GLIS1: variants seen among roughly 807,000 people sequenced by gnomAD.
The protein encoded by GLIS1 is zinc finger protein GLIS1.
A neutral mutation model predicts 63.8 loss-of-function variants in GLIS1; 24 were observed. The ratio of observed to expected loss-of-function variants is 0.38; its 90% CI spans 0.27 to 0.53. The LOEUF (loss-of-function observed/expected upper bound fraction) is 0.53. Ranked by LOEUF, GLIS1 falls within the 20% of genes least tolerant of loss-of-function variation. The pLI is 0.85. For missense variants in GLIS1, 1,036 were observed against 1,074.1 expected (o/e 0.96, Z 0.50); for synonymous variants, 450 against 482.5 (o/e 0.93, Z 0.88).
chr1:53,521,765 C>T (rs1644411685), intron 6 of GLIS1, among the ~76,000 whole-genome samples: 1 of 152,236 alleles, frequency 6.6e-6, no homozygotes, highest in South Asian at 2.1e-4. Flanking sequence ...CCTTGGCTGT[C>T]CCCAGACAGT....
chr1:53,580,027 G>A (rs926727529), intron 4 of GLIS1, among the ~76,000 whole-genome samples: 10 of 152,200 alleles, frequency 6.6e-5, no homozygotes, highest in African/African-American at 1.7e-4. Context: ...TGCAGCCACC[G>A]TCCTGATGAA....
chr1:53,711,749 A>T (rs1646649289), intron 2 of GLIS1, among the ~76,000 whole-genome samples: 1 of 152,240 alleles, frequency 6.6e-6, no homozygotes, highest in South Asian at 2.1e-4. Context: ...AGTAGCAGTC[A>T]TTGTTATCAG....
chr1:53,610,680 T>G (rs1276602792), intron 2 of GLIS1, among the ~76,000 whole-genome samples: 1 of 152,188 alleles, frequency 6.6e-6, no homozygotes, highest in African/African-American at 2.4e-5. Context: ...CTGCTTGAGG[T>G]TCACAGGAAT....
chr1:53,696,502 T>A (rs962887328), intron 2 of GLIS1, among the ~76,000 whole-genome samples: 1 of 152,206 alleles, frequency 6.6e-6, no homozygotes, highest in African/African-American at 2.4e-5. Context: ...CACTTGCCCT[T>A]TCTCCAAAGA....
intron 4 of GLIS1, among the ~76,000 whole-genome samples, chr1:53,583,679 G>C (rs1227473883): frequency 6.6e-6 from 1 of 152,206 alleles, no homozygotes; most frequent in East Asian, 1.9e-4. Flanking sequence ...CAAGGCAACA[G>C]AATCTCAGTG....
At chr1:53,696,422 C>T (rs1263924256) in intron 2 of GLIS1, among the ~76,000 whole-genome samples, 3 of 152,182 alleles carry the variant, frequency 2.0e-5, no homozygotes, top group Non-Finnish European at 4.4e-5. Flanking sequence ...AGAGGTTTCA[C>T]GTAACAAGTT....
intron 4 of GLIS1, among the ~76,000 whole-genome samples, chr1:53,543,772 C>T (rs1050631236): frequency 6.6e-6 from 1 of 151,956 alleles, no homozygotes; most frequent in Non-Finnish European, 1.5e-5. Flanking sequence ...CACCCCTCAC[C>T]TGCATCTCGG....
At chr1:53,664,990 T>C (rs1646075277) in intron 2 of GLIS1, among the ~76,000 whole-genome samples, 3 of 151,582 alleles carry the variant, frequency 2.0e-5, no homozygotes, top group Admixed American at 6.6e-5. Flanking sequence ...GAGTGAGCAA[T>C]GGGGCGAGGG....
chr1:53,675,546 T>C (rs1646201970), intron 2 of GLIS1, among the ~76,000 whole-genome samples: 1 of 152,164 alleles, frequency 6.6e-6, no homozygotes, highest in East Asian at 1.9e-4. Flanking sequence ...ATCATCTCTC[T>C]CCCACACCTG....
intron 2 of GLIS1, among the ~76,000 whole-genome samples, chr1:53,684,704 C>T (rs1372355723): frequency 6.6e-6 from 1 of 152,318 alleles, no homozygotes; most frequent in East Asian, 1.9e-4. Context: ...TGCCATGAAT[C>T]TCCTTCATAC....
intron 4 of GLIS1, among the ~76,000 whole-genome samples, chr1:53,530,356 G>C (rs907183453): frequency 5.9e-5 from 9 of 152,290 alleles, no homozygotes; most frequent in African/African-American, 2.2e-4. Flanking sequence ...ATCTGAACTG[G>C]GCTCTGTCCC....
At chr1:53,549,008 G>C (rs1217145824) in intron 4 of GLIS1, among the ~76,000 whole-genome samples, 1 of 152,112 alleles carries the variant, frequency 6.6e-6, no homozygotes, top group Non-Finnish European at 1.5e-5. Flanking sequence ...GTCTATTCTT[G>C]ACACATCACG....
chr1:53,711,288 T>C (rs112422207), intron 2 of GLIS1, among the ~76,000 whole-genome samples: 16 of 152,284 alleles, frequency 1.1e-4, no homozygotes, highest in African/African-American at 3.9e-4. Flanking sequence ...AGCCCAGGCC[T>C]AACCATGTCC....
chr1:53,627,798 T>C (rs1228429618), intron 2 of GLIS1, among the ~76,000 whole-genome samples: 2 of 152,216 alleles, frequency 1.3e-5, no homozygotes, highest in African/African-American at 4.8e-5. Context: ...ACTAGCATTA[T>C]GTACCTGTTG....
intron 4 of GLIS1, among the ~76,000 whole-genome samples, chr1:53,553,459 A>G (rs57425811): frequency 0.044 from 6,690 of 152,300 alleles, 508 homozygotes; most frequent in African/African-American, 0.15. Flanking sequence ...CAAGAAGCTA[A>G]GCATCATTCT....
At chr1:53,524,724 C>T (rs768903109) in intron 6 of GLIS1, 53 bp downstream of exon 6, 67 of 1,295,718 alleles carry the variant, frequency 5.2e-5, no homozygotes, top group Non-Finnish European at 6.6e-5. Flanking sequence ...TGGCCTGATG[C>T]GGTGCAGGCG....
chr1:53,611,304 A>T (rs2948051), intron 2 of GLIS1, among the ~76,000 whole-genome samples: 1 of 152,034 alleles, frequency 6.6e-6, no homozygotes, highest in Non-Finnish European at 1.5e-5. Context: ...TGCCCAGACT[A>T]GTCTTGAACT....
chr1:53,725,968 C>G (rs1646801291), intron 2 of GLIS1, among the ~76,000 whole-genome samples: 1 of 152,222 alleles, frequency 6.6e-6, no homozygotes, highest in African/African-American at 2.4e-5. Context: ...CTATCCTTTG[C>G]TCTATCCTCT....
rs1646931342 is a variant in GLIS1, at chr1:53,738,108, T to TGA, written c.-42-3_-42-2insTC. ...ACGGCTGGGGGTCGCGCCGGGCTCCTGGGGAGGGGAGACAGCACAGCCAGT... is the reference window on the plus strand; with the variant it reads ...ACGGCTGGGGGTCGCGCCGGGCTCCTGAGGGGAGGGGAGACAGCACAGCCAGT... On this transcript the variant is annotated splice_polypyrimidine_tract_variant and splice_region_variant and intron_variant, in intron 1 of 10. Coordinates refer to ENST00000628545, the MANE Select transcript of GLIS1 (RefSeq NM_001367484.1). 1 of 1,224,380 alleles carries TGA rather than the reference T, an allele frequency of 8.2e-7. No individual in the cohort carries two copies. Among genetic ancestry groups the TGA allele is most frequent in the Non-Finnish European group, 1.0e-6 (1 of 982,152 alleles). The allele number at this position is 1,224,380 out of a possible 1,614,324, so 75.8% of individuals were successfully genotyped here. A position where few individuals can be genotyped will look rare whatever the true frequency, so the allele number is the denominator to read the frequency against.
Sources: allele counts gnomAD v4.1 joint callset (sites outside exome capture counted in the v4.1 genomes callset), GRCh38; gene constraint gnomAD v4.1.1; transcripts MANE v1.5; gene names NCBI Gene and HGNC (gene_info 2026-07-23, HGNC 2026-07-21).